The following PLEKHN1 variants were observed in gnomAD, a reference collection of about 807,000 sequenced individuals.
PLEKHN1 encodes pleckstrin homology domain-containing family N member 1.
Under a neutral mutation model 72.8 loss-of-function variants are expected in PLEKHN1, and 68 were observed. The ratio of observed to expected loss-of-function variants is 0.93; its 90% CI spans 0.77 to 1.14. PLEKHN1 has a LOEUF of 1.14. Ranked by LOEUF, PLEKHN1 falls within the 50% of genes most tolerant of loss-of-function variation. The pLI is 0.00. For missense variants in PLEKHN1, 1,015 were observed against 840.5 expected (o/e 1.21, Z -2.57); for synonymous variants, 454 against 371.6 (o/e 1.22, Z -2.55).
At position 971,393 on chromosome 1, in the gene PLEKHN1, C is replaced by T. The variant is rs1643321381; in HGVS notation, c.778C>T (p.Leu260Phe). The T allele has an allele frequency of 1.9e-6, 3 of 1,581,144 alleles. No individual in the cohort carries two copies. Among genetic ancestry groups the T allele is most frequent in the Non-Finnish European group, 2.6e-6 (3 of 1,165,072 alleles). ...LAIFSEELDG[L>F]CFKGELPLRA... ...CATTTTCTCCGAGGAGCTGGACGGGCTTTGCTTCAAGGTGGGCCCCTCCCC... is the reference window on the plus strand; with the variant it reads ...CATTTTCTCCGAGGAGCTGGACGGGTTTTGCTTCAAGGTGGGCCCCTCCCC... The change falls in exon 8 of 16, where the codon CTT becomes TTT. Residue 260 changes from leucine to phenylalanine, a missense_variant. By Grantham distance (22) the Leu-to-Phe change is conservative. Coordinates refer to ENST00000379410, the MANE Select transcript of PLEKHN1 (RefSeq NM_032129.3).
Position 966,720 on chromosome 1 carries a change from A to C in PLEKHN1, c.100A>C (p.Met34Leu). The C allele has an allele frequency of 6.4e-6, 10 of 1,574,070 alleles. No homozygotes were observed. In the African/African-American group the frequency reaches 1.2e-4, roughly 19 times the overall value. ...TGTCCCCAGAGAGGACAGCGCGCGG[A>C]TGTCGGCCGGCCTGCCGGGCCCCGA... ...LKGNREDSAR[M>L]SAGLPGPEAA... The change falls in exon 2 of 16, where the codon ATG becomes CTG. Residue 34 changes from methionine (M) to leucine (L), a missense_variant. Transcript: ENST00000379410.
Position 974,320 on chromosome 1 carries a change from C to T in PLEKHN1, c.1658C>T (p.Ser553Phe), listed in dbSNP as rs1433970366. Reference sequence around the variant, plus strand: ...ACTTGCGGTTTGGGGTTCCAGGTCTCCTCTGCCAGGGAAGGTTCGCCCGAA... The same window carrying T: ...ACTTGCGGTTTGGGGTTCCAGGTCTTCTCTGCCAGGGAAGGTTCGCCCGAA... ...PQPPDAPQLVSSAREGSPEPW... is the reference protein window; with the variant it reads ...PQPPDAPQLVFSAREGSPEPW... The change falls in exon 15 of 16, where the codon TCC becomes TTC. Residue 553 changes from serine (S) to phenylalanine (F), a missense_variant. Physicochemically the swap from Ser to Phe is radical, Grantham distance 155. Coordinates refer to ENST00000379410, the MANE Select transcript of PLEKHN1 (RefSeq NM_032129.3). The T allele has an allele frequency of 1.9e-6, 3 of 1,612,926 alleles. No homozygotes were observed. The highest frequency in any genetic ancestry group is 1.3e-5 in the African/African-American group (1 of 75,038).
In PLEKHN1 at chr1:970,944, C is replaced by T. The variant is rs1219939971; in HGVS notation, c.550C>T (p.His184Tyr). The change falls in exon 6 of 16, where the codon CAC becomes TAC. Residue 184 changes from histidine (H) to tyrosine (Y), a missense_variant. Transcript: ENST00000379410. The surrounding 1 kb of genome is among the most constrained non-coding windows in gnomAD (Gnocchi z 4.2). The part of the protein sequence containing the change: ...SRAELDRWLY[H>Y]LEKQTALLGG... ...GGCCGAGCTGGACCGCTGGCTTTACCACCTGGAGAAGCAGACGGCCCTCCT... is the reference window on the plus strand; with the variant it reads ...GGCCGAGCTGGACCGCTGGCTTTACTACCTGGAGAAGCAGACGGCCCTCCT... 1.2e-6 allele frequency: 2 copies of T among 1,609,912 alleles called. No individual in the cohort carries two copies. The highest frequency in any genetic ancestry group is 2.2e-5 in the East Asian group (1 of 44,818).
At chr1:967,001 G>A (rs1426265272) in intron 2 of PLEKHN1, among the ~76,000 whole-genome samples, 198 bp downstream of exon 2, 2 of 152,228 alleles carry the variant, frequency 1.3e-5, no homozygotes, top group East Asian at 3.9e-4. Flanking sequence ...AAACCGCGAC[G>A]CAGGACTGAG....
Position 971,210 on chromosome 1 carries a change from TG to T in PLEKHN1, c.708+5del. The T allele has an allele frequency of 6.4e-7, 1 of 1,572,414 alleles. No homozygotes were observed. The highest frequency in any genetic ancestry group is 8.6e-7 in the Non-Finnish European group (1 of 1,159,336). ...AAGCTGCAGCACCTGCCCGCACAGG[TG>T]GGTGGGAGGTGCGTGGGGCTGTAGG... On this transcript the variant is annotated splice_donor_region_variant and intron_variant, in intron 7 of 15. Transcript: ENST00000379410.
rs771767291 is a variant in PLEKHN1, at chr1:970,488, G to A, written c.331-33G>A. 9 of 1,613,008 alleles carry A rather than the reference G, an allele frequency of 5.6e-6. No individual in the cohort carries two copies. In the East Asian group the frequency reaches 1.8e-4, roughly 32 times the overall value. ...ATCCCCATCAGCCTGGGGCTCCCCA[G>A]ACTCCGCACTGACGACCCTGCTCCC... On this transcript the variant is annotated intron_variant, in intron 3 of 15. Coordinates refer to ENST00000379410, the MANE Select transcript of PLEKHN1 (RefSeq NM_032129.3). This position sits in a 1 kb window ranked among gnomAD's most constrained non-coding sequence, Gnocchi z 4.2.
chr1:971,891 C>T (rs1030427907), intron 8 of PLEKHN1, among the ~76,000 whole-genome samples, 184 bp from the exon 9 acceptor site: 1 of 152,236 alleles, frequency 6.6e-6, no homozygotes. Flanking sequence ...CGAAGGCCCC[C>T]GCGCCAGGGT....
At position 966,812 on chromosome 1, in the gene PLEKHN1, G is replaced by T. The variant is rs1478592660; in HGVS notation, c.183+9G>T. On this transcript the variant is annotated intron_variant, in intron 2 of 15. Transcript: ENST00000379410. ...ACTACATCCCGGGCACGGTGAGCGC[G>T]GCGTGCACGGTGGCTGTGGTCTGGG... is the stretch of plus-strand genomic sequence containing the variant. The T allele has an allele frequency of 1.3e-6, 2 of 1,550,314 alleles. No homozygotes were observed. Among genetic ancestry groups the T allele is most frequent in the South Asian group, 1.2e-5 (1 of 84,398 alleles).
chr1:969,455 G>A (rs555483312), intron 2 of PLEKHN1, among the ~76,000 whole-genome samples: 6 of 152,182 alleles, frequency 3.9e-5, no homozygotes, highest in African/African-American at 1.4e-4. Context: ...GTGTGGAAAT[G>A]TATGCATGTA....
At position 971,213 on chromosome 1, in the gene PLEKHN1, GTGGGAGGTGCGTGGGGCTGTAGGGGGA is replaced by G. The variant is rs1643309581; in HGVS notation, c.708+13_708+39del. ...CTGCAGCACCTGCCCGCACAGGTGGGTGGGAGGTGCGTGGGGCTGTAGGGGGATGGGAGGGGTGCATGGTGGTGGGCA... is the reference window on the plus strand; with the variant it reads ...CTGCAGCACCTGCCCGCACAGGTGGGTGGGAGGGGTGCATGGTGGTGGGCA... On this transcript the variant is annotated splice_donor_region_variant and intron_variant, in intron 7 of 15. Coordinates refer to ENST00000379410, the MANE Select transcript of PLEKHN1 (RefSeq NM_032129.3). The G allele has an allele frequency of 6.4e-7, 1 of 1,572,208 alleles. No homozygotes were observed. The highest frequency in any genetic ancestry group is 8.6e-7 in the Non-Finnish European group (1 of 1,159,036).
chr1:968,306 C>A (rs895227477), intron 2 of PLEKHN1, among the ~76,000 whole-genome samples: 4 of 152,314 alleles, frequency 2.6e-5, no homozygotes, highest in African/African-American at 9.6e-5. Flanking sequence ...CTCGCCAGCT[C>A]CTAGAAGGAG....
At position 972,102 on chromosome 1, in the gene PLEKHN1, A is replaced by G; in HGVS notation, c.817A>G (p.Ile273Val). The change falls in exon 9 of 16, where the codon ATC (isoleucine) becomes GTC (valine). Residue 273 changes from isoleucine (I) to valine (V), a missense_variant. By Grantham distance (29) the Ile-to-Val change is conservative. Coordinates refer to ENST00000379410, the MANE Select transcript of PLEKHN1 (RefSeq NM_032129.3). ...KGELPLRAVH[I>V]NLEEKEKQIR... ...GGAGCTCCCACTCCGTGCCGTCCAC[A>G]TCAACCTGGAGGAGAAGGAGAAGCA... is the stretch of plus-strand genomic sequence containing the variant. The G allele has an allele frequency of 6.2e-7, 1 of 1,613,098 alleles. No homozygotes were observed. Among genetic ancestry groups the G allele is most frequent in the Non-Finnish European group, 8.5e-7 (1 of 1,179,904 alleles).
chr1:973,562 C>T lies in PLEKHN1; in HGVS notation c.1356C>T (p.His452=). ...CTGACCACACTTCGGAAACATCACA[C>T]TCGCCCCTCTATGCCGACCCCTACA... ...DAPDHTSETS[H]SPLYADPYTP... Residue 452 remains histidine (H), a synonymous_variant, in exon 13 of 16, where the codon CAC becomes CAT. Transcript: ENST00000379410. The T allele has an allele frequency of 9.3e-6, 15 of 1,613,288 alleles. No homozygotes were observed. The highest frequency in any genetic ancestry group is 1.3e-5 in the Non-Finnish European group (15 of 1,179,968).
rs764942249 is a variant in PLEKHN1, at chr1:972,070, C to T, written c.790-5C>T. The stretch of plus-strand genomic sequence containing the variant: ...AAGGCCTGGCCCTCAATCTCTGCTC[C>T]GCAGGGGGAGCTCCCACTCCGTGCC... On this transcript the variant is annotated splice_region_variant and splice_polypyrimidine_tract_variant and intron_variant, in intron 8 of 15. Coordinates refer to ENST00000379410, the MANE Select transcript of PLEKHN1 (RefSeq NM_032129.3). 2.4e-5 allele frequency: 39 copies of T among 1,612,228 alleles called. No homozygotes were observed. The highest frequency in any genetic ancestry group is 3.0e-5 in the Non-Finnish European group (35 of 1,179,542).
intron 2 of PLEKHN1, among the ~76,000 whole-genome samples, chr1:967,479 G>C (rs1431800310): frequency 1.3e-5 from 2 of 151,986 alleles, no homozygotes; most frequent in Admixed American, 1.3e-4. Flanking sequence ...CCAGGAACCT[G>C]GGCTTCAGGG....
intron 13 of PLEKHN1, 30 bp from the exon 14 acceptor site, chr1:973,803 C>T (rs1266988079): frequency 1.9e-6 from 3 of 1,597,584 alleles, no homozygotes; most frequent in Non-Finnish European, 2.6e-6. Flanking sequence ...CTGGCTGCCA[C>T]CCAGGCCCCA....
At chr1:968,367 G>A (rs556430904) in intron 2 of PLEKHN1, among the ~76,000 whole-genome samples, 26 of 152,358 alleles carry the variant, frequency 1.7e-4, no homozygotes, top group Non-Finnish European at 2.9e-4. Flanking sequence ...GAGGTCTCCA[G>A]CCCCAGGTTC....
intron 8 of PLEKHN1, 26 bp from the exon 9 acceptor site, chr1:972,049 C>T: frequency 6.2e-7 from 1 of 1,607,858 alleles, no homozygotes; most frequent in African/African-American, 1.3e-5. Flanking sequence ...CCTACAAAGG[C>T]CTGGCCCTCA....
chr1:973,898 G>A lies in PLEKHN1; in HGVS notation c.1500G>A (p.Val500=). The A allele has an allele frequency of 3.1e-6, 5 of 1,611,304 alleles. No individual in the cohort carries two copies. The highest frequency in any genetic ancestry group is 4.2e-6 in the Non-Finnish European group (5 of 1,179,896). Reference sequence around the variant, plus strand: ...CGAGCCCACTCCCCTCGGTGCCTGTGTCTGTGCCTGCCTCTGACCCTCGCT... The same window carrying A: ...CGAGCCCACTCCCCTCGGTGCCTGTATCTGTGCCTGCCTCTGACCCTCGCT... The part of the protein sequence containing the change: ...TPSSPLPSVP[V]SVPASDPRSC... The change falls in exon 14 of 16, where the codon GTG becomes GTA. Residue 500 remains valine, a synonymous_variant. Coordinates refer to ENST00000379410, the MANE Select transcript of PLEKHN1 (RefSeq NM_032129.3).
Sources: gnomAD v4.1 joint callset for allele counts (sites outside exome capture counted in the v4.1 genomes callset) on GRCh38, gnomAD v4.1.1 for gene constraint, Gnocchi (gnomAD v3.1) non-coding constraint, MANE v1.5 for transcripts, NCBI Gene and HGNC (gene_info 2026-07-23, HGNC 2026-07-21) for gene names.